Variants in THRB observed in about 807,000 individuals in gnomAD.
THRB encodes the protein thyroid hormone receptor beta.
Under a neutral mutation model 47.8 loss-of-function variants are expected in THRB, and 12 were observed. The observed-to-expected ratio is 0.25, with a 90% confidence interval of 0.16 to 0.41. THRB has a LOEUF of 0.41. Among genes scored for constraint, THRB ranks in the 10% least tolerant of loss-of-function variants. The pLI, the probability that THRB is intolerant of heterozygous loss-of-function variation, is 1.00. For missense variants in THRB, 348 were observed against 589.2 expected (o/e 0.59, Z 4.24); for synonymous variants, 218 against 212.2 (o/e 1.03, Z -0.24).
intron 1 of THRB, among the ~76,000 whole-genome samples, chr3:24,344,247 A>C (rs558885347): frequency 6.6e-6 from 1 of 152,218 alleles, no homozygotes; most frequent in Admixed American, 6.6e-5. Context: ...GGTGTATAGT[A>C]TTGCCAAAAG....
chr3:24,209,755 G>T (rs117222295), intron 4 of THRB, among the ~76,000 whole-genome samples: 3 of 152,040 alleles, frequency 2.0e-5, no homozygotes, highest in Admixed American at 6.6e-5. Flanking sequence ...AGCACACCAA[G>T]ATGGCACATG....
intron 1 of THRB, among the ~76,000 whole-genome samples, chr3:24,380,503 C>T (rs1172857154): frequency 6.6e-6 from 1 of 152,072 alleles, no homozygotes; most frequent in Non-Finnish European, 1.5e-5. Flanking sequence ...CAGAGAATTC[C>T]TATCCCTTTC....
chr3:24,413,773 G>A (rs1175219415), intron 1 of THRB, among the ~76,000 whole-genome samples: 1 of 151,532 alleles, frequency 6.6e-6, no homozygotes, highest in Non-Finnish European at 1.5e-5. Flanking sequence ...GTGTCCAAGT[G>A]TTCTCGTTGT....
At chr3:24,416,484 G>A (rs2068742111) in intron 1 of THRB, among the ~76,000 whole-genome samples, 1 of 151,790 alleles carries the variant, frequency 6.6e-6, no homozygotes, top group Admixed American at 6.6e-5. Context: ...GGAGGAACAA[G>A]GGCAAGAATC....
At position 24,489,828 on chromosome 3, in the gene THRB, C is replaced by CA. The variant is rs201573281; in HGVS notation, c.-261+4823dup. 9.9e-3 allele frequency among the ~76,000 whole-genome samples: 1,509 copies of CA among 152,248 alleles called. 26 individuals are homozygous for CA. The highest frequency in any genetic ancestry group is 0.034 in the African/African-American group (1,430 of 41,532). On this transcript the variant is annotated intron_variant, in intron 1 of 10. Transcript: ENST00000646209. ...ACTCAGTGATTTGGATACTCCCCCC[C>CA]ACTTGTTTAAATGCCAAAATTGACT...
chr3:24,194,463 C>T lies in THRB; in HGVS notation c.23-4129G>A, dbSNP rs117010107. ...CTAACATCTGGCTTTCAATACTTCA[C>T]ATTCTAGACATCAACACAATTAATC... On this transcript the variant is annotated intron_variant, in intron 4 of 10. Transcript: ENST00000646209. Among the ~76,000 whole-genome samples the T allele has an allele frequency of 2.6e-4, 40 of 152,234 alleles. No homozygotes were observed. In the East Asian group the frequency reaches 4.6e-3, roughly 18 times the overall value.
chr3:24,127,984 C>T (rs1258105031), intron 9 of THRB, among the ~76,000 whole-genome samples: 2 of 152,212 alleles, frequency 1.3e-5, no homozygotes, highest in Non-Finnish European at 2.9e-5. Flanking sequence ...CAGGAGTTTG[C>T]ATTGCTTTTA....
At chr3:24,434,719 C>T (rs1560177877) in intron 1 of THRB, among the ~76,000 whole-genome samples, 1 of 152,108 alleles carries the variant, frequency 6.6e-6, no homozygotes, top group Non-Finnish European at 1.5e-5. Context: ...AAGAAGAGGA[C>T]ATCTTTACTA....
At chr3:24,126,026 A>C (rs826376) in intron 10 of THRB, among the ~76,000 whole-genome samples, 31,307 of 151,998 alleles carry the variant, frequency 0.21, 3,726 homozygotes, top group East Asian at 0.56. Context: ...AAAAAGAATT[A>C]TTTCTTTCTT....
At chr3:24,146,209 C>A (rs1206716090) in intron 7 of THRB, among the ~76,000 whole-genome samples, 4 of 152,204 alleles carry the variant, frequency 2.6e-5, no homozygotes, top group African/African-American at 9.6e-5. Flanking sequence ...AGCGCCCCAT[C>A]TCCAAAAATG....
In THRB at chr3:24,148,383, T is replaced by G. The variant is rs143051372; in HGVS notation, c.385-1561A>C. On this transcript the variant is annotated intron_variant, in intron 6 of 10. Coordinates refer to ENST00000646209, the MANE Select transcript of THRB (RefSeq NM_001354712.2). ...CTTCAGTGATCCGTCCTCCTTGGCC[T>G]CCCAAAGTGCTGGGATTATAGGCGT... 4.0e-3 allele frequency among the ~76,000 whole-genome samples: 613 copies of G among 152,310 alleles called. 11 individuals carry two copies. In the East Asian group the frequency reaches 0.054, roughly 13 times the overall value.
At chr3:24,160,217 G>A (rs1035084159) in intron 5 of THRB, among the ~76,000 whole-genome samples, 6 of 152,174 alleles carry the variant, frequency 3.9e-5, no homozygotes, top group African/African-American at 1.4e-4. Context: ...GGGGAGACTG[G>A]CCAAGGTTTC....
intron 3 of THRB, among the ~76,000 whole-genome samples, chr3:24,269,401 G>GCACACACA (rs1352594962): frequency 2.2e-5 from 1 of 45,656 alleles, no homozygotes; most frequent in Non-Finnish European, 5.2e-5. Flanking sequence ...GCGCGCGCGC[G>GCACACACA]CGCACACACA....
chr3:24,241,325 G>C (rs530009119), intron 3 of THRB, among the ~76,000 whole-genome samples: 2 of 152,276 alleles, frequency 1.3e-5, no homozygotes. Context: ...TGCGTACTTA[G>C]AAAAGCCACT....
chr3:24,380,357 C>A (rs1377789080), intron 1 of THRB, among the ~76,000 whole-genome samples: 1 of 151,698 alleles, frequency 6.6e-6, no homozygotes, highest in Non-Finnish European at 1.5e-5. Flanking sequence ...CCTCCTTAAC[C>A]CTCTCAGTTT....
At position 24,492,854 on chromosome 3, in the gene THRB, G is replaced by A. The variant is rs565400993; in HGVS notation, c.-261+1798C>T. Among the ~76,000 whole-genome samples, 4 of 152,152 alleles carry A rather than the reference G, an allele frequency of 2.6e-5. No individual in the cohort carries two copies. In the East Asian group the frequency reaches 7.7e-4, roughly 29 times the overall value. On this transcript the variant is annotated intron_variant, in intron 1 of 10. Transcript: ENST00000646209. ...ATACCTTTGCATTGTAATGCCAACA[G>A]GAATTATTTCACTTTAAAAAACCAG...
chr3:24,493,049 A>G (rs1698415064), intron 1 of THRB, among the ~76,000 whole-genome samples: 3 of 152,248 alleles, frequency 2.0e-5, no homozygotes, highest in Non-Finnish European at 4.4e-5. Flanking sequence ...ATGATCGTTC[A>G]CCAATGTCTT....
intron 10 of THRB, 27 bp downstream of exon 10, chr3:24,127,472 C>A: frequency 6.2e-7 from 1 of 1,613,760 alleles, no homozygotes; most frequent in Non-Finnish European, 8.5e-7. Flanking sequence ...TCTTTGGATG[C>A]CCACTAACGA....
chr3:24,486,090 T>C (rs57751578), intron 1 of THRB, among the ~76,000 whole-genome samples: 27,582 of 152,072 alleles, frequency 0.18, 4,026 homozygotes, highest in African/African-American at 0.41. Flanking sequence ...AGACACCTGA[T>C]AATATCTGGA....
Sources: allele counts gnomAD v4.1 joint callset (sites outside exome capture counted in the v4.1 genomes callset), GRCh38; gene constraint gnomAD v4.1.1; transcripts MANE v1.5; gene names NCBI Gene and HGNC (gene_info 2026-07-23, HGNC 2026-07-21).